FAT2: variants seen among roughly 807,000 people sequenced by gnomAD.
The protein encoded by FAT2 is protocadherin Fat 2.
A neutral mutation model predicts 295.3 loss-of-function variants in FAT2; 150 were observed. That is an observed-to-expected ratio of 0.51 (90% CI 0.44 to 0.58). The LOEUF (loss-of-function observed/expected upper bound fraction) is 0.58. FAT2 is among the 20% of genes least tolerant of loss of function. FAT2 has a pLI of 0.00. For synonymous variants in FAT2, 2,026 were observed against 2,150.3 expected (o/e 0.94, Z 1.60); for missense variants, 4,868 against 5,442.7 (o/e 0.89, Z 3.32).
intron 1 of FAT2, among the ~76,000 whole-genome samples, chr5:151,570,138 AG>A (rs1758462701): frequency 6.6e-6 from 1 of 152,258 alleles, no homozygotes; most frequent in Non-Finnish European, 1.5e-5. Context: ...GGTTCATAAA[AG>A]GAAGGGAGCT....
chr5:151,579,697 CA>C (rs1758870019), intron 1 of FAT2, among the ~76,000 whole-genome samples: 1 of 150,970 alleles, frequency 6.6e-6, no homozygotes, highest in African/African-American at 2.4e-5. Context: ...TAAATATATA[CA>C]AATTTTGTCA....
At chr5:151,534,370 G>T in intron 13 of FAT2, 39 bp downstream of exon 13, 1 of 1,512,354 alleles carries the variant, frequency 6.6e-7, no homozygotes, top group East Asian at 2.4e-5. Context: ...GGTGACCCAG[G>T]AGATCATTGG....
rs5872209 is a variant in FAT2 at position 151,522,227 on chromosome 5, G to GA, written c.10507-142dup. ...CTGGCTCAGCGCATTGTTGCATTTA[G>GA]AAAAAAAAAACCTAACTCCAAAAGC... On this transcript the variant is annotated intron_variant, in intron 18 of 23. Transcript: ENST00000261800. 0.42 allele frequency: 215,818 copies of GA among 519,518 alleles called. 28,255 individuals carry two copies. Among genetic ancestry groups the GA allele is most frequent in the East Asian group, 0.59 (18,459 of 31,204 alleles). The allele number at this position is 519,518 out of a possible 1,614,324, so 32.2% of individuals were successfully genotyped here.
chr5:151,552,424 CT>C (rs1393130975), intron 6 of FAT2, among the ~76,000 whole-genome samples: 1 of 152,170 alleles, frequency 6.6e-6, no homozygotes, highest in Non-Finnish European at 1.5e-5. Flanking sequence ...GGCATATATC[CT>C]ATCCTACTCT....
chr5:151,586,467 T>G (rs1243280617), intron 1 of FAT2, among the ~76,000 whole-genome samples: 1 of 152,214 alleles, frequency 6.6e-6, no homozygotes, highest in Non-Finnish European at 1.5e-5. Context: ...CATCGCCCCT[T>G]TCAGGAAGAG....
chr5:151,553,444 A>C, intron 5 of FAT2, 57 bp from the exon 6 acceptor site: 2 of 1,509,586 alleles, frequency 1.3e-6, no homozygotes, highest in Admixed American at 3.6e-5. Context: ...GGAAGACCCA[A>C]GCAGCCAGGA....
At chr5:151,569,894 G>A (rs1375736267) in intron 1 of FAT2, among the ~76,000 whole-genome samples, 5 of 152,240 alleles carry the variant, frequency 3.3e-5, no homozygotes, top group Non-Finnish European at 5.9e-5. Flanking sequence ...GCATCAGGCT[G>A]CCTGGCTGTC....
chr5:151,505,634 C>CA lies in FAT2; in HGVS notation c.12980dup (p.Pro4328AlafsTer5), dbSNP rs1760778639. 1 of 1,614,058 alleles carries CA rather than the reference C, an allele frequency of 6.2e-7. No individual in the cohort carries two copies. The highest frequency in any genetic ancestry group is 8.5e-7 in the Non-Finnish European group (1 of 1,180,034). On this transcript the variant is annotated frameshift_variant, in exon 24 of 24. Transcript: ENST00000261800. LOFTEE classifies it high-confidence loss of function. ...TGTCAGAGCCCTCATAGTTGGGGGG[C>CA]ACCCGGGGCTGGCCCTGGCCTGCAA...
rs370519297 is a variant in FAT2, at chr5:151,543,674, G to A, written c.7453C>T (p.Leu2485Phe). ...NKYSPEFQQHLYEAELAENAM... is the reference protein window; with the variant it reads ...NKYSPEFQQHFYEAELAENAM... The stretch of plus-strand genomic sequence containing the variant: ...TTCTCTGCTAATTCTGCCTCATAAA[G>A]GTGCTGCTGGAACTCTGGGCTGTAC... Residue 2485 changes from leucine (L) to phenylalanine (F), a missense_variant, in exon 10 of 24, where the codon CTT becomes TTT. Leu to Phe is a conservative substitution (Grantham distance 22). This residue lies in a region of FAT2 where 3,297 missense variants were observed against 3,669.4 expected (regional missense o/e 0.90). Transcript: ENST00000261800. The A allele has an allele frequency of 5.6e-6, 9 of 1,614,056 alleles. No homozygotes were observed. Among genetic ancestry groups the A allele is most frequent in the Middle Eastern group, 1.6e-4 (1 of 6,082 alleles).
intron 7 of FAT2, 79 bp from the exon 8 acceptor site, chr5:151,550,950 TCACC>T: frequency 7.4e-7 from 1 of 1,349,876 alleles, no homozygotes; most frequent in Non-Finnish European, 1.0e-6. Context: ...CCTCCCTGTA[TCACC>T]CAGGCCTAGC....
upstream of FAT2, among the ~76,000 whole-genome samples, chr5:151,594,272 G>A (rs1759508408): frequency 6.6e-6 from 1 of 152,194 alleles, no homozygotes; most frequent in South Asian, 2.1e-4. Flanking sequence ...ACCCCTGTGT[G>A]ACCCTGGCCT....
chr5:151,549,257 C>A (rs373165992), intron 9 of FAT2, 38 bp downstream of exon 9: 3 of 1,593,518 alleles, frequency 1.9e-6, no homozygotes, highest in Non-Finnish European at 2.6e-6. Context: ...TCTAAAGCAT[C>A]TTGACCCATC....
Position 151,589,694 on chromosome 5 carries a change from A to T in FAT2, c.-21+1471T>A, listed in dbSNP as rs185129662. On this transcript the variant is annotated intron_variant, in intron 1 of 23. Transcript: ENST00000261800. ...AAAAATTGCTTGAGCCCAAGAGTTC[A>T]AGACCAACCTGAGCAACATAGTGAG... Among the ~76,000 whole-genome samples the T allele has an allele frequency of 3.3e-5, 5 of 152,272 alleles. No homozygotes were observed. In the East Asian group the frequency reaches 9.6e-4, roughly 29 times the overall value.
At chr5:151,565,647 A>AGCG in intron 2 of FAT2, 26 bp downstream of exon 2, 8 of 1,461,016 alleles carry the variant, frequency 5.5e-6, no homozygotes, top group South Asian at 2.6e-5. Context: ...TGGCCCTGGC[A>AGCG]CCCCACCCTA....
chr5:151,505,601 C>T lies in FAT2; in HGVS notation c.13014G>A (p.Glu4338=). 3 of 1,614,210 alleles carry T rather than the reference C, an allele frequency of 1.9e-6. No homozygotes were observed. Among genetic ancestry groups the T allele is most frequent in the Non-Finnish European group, 2.5e-6 (3 of 1,180,042 alleles). Residue 4338 remains glutamate, a synonymous_variant, in exon 24 of 24, where the codon GAG becomes GAA. Coordinates refer to ENST00000261800, the MANE Select transcript of FAT2 (RefSeq NM_001447.3). ...PPNYEGSDMV[E]SDYGSCEEVM... ...CCTCCTCACAGCTGCCATAATCACT[C>T]TCCACCATGTCAGAGCCCTCATAGT... is the stretch of plus-strand genomic sequence containing the variant.
chr5:151,525,735 T>C (rs766240867), intron 18 of FAT2, 33 bp downstream of exon 18: 2 of 1,612,504 alleles, frequency 1.2e-6, no homozygotes, highest in Non-Finnish European at 1.7e-6. Context: ...ACTGTCCCCA[T>C]GGTCACCACC....
At chr5:151,554,734 T>TGCCACCC in intron 4 of FAT2, 61 bp from the exon 5 acceptor site, 1 of 1,296,940 alleles carries the variant, frequency 7.7e-7, no homozygotes, top group African/African-American at 1.5e-5. Flanking sequence ...GACTATGCTT[T>TGCCACCC]AACAACCTGG....
chr5:151,548,855 GAAACCCATAAAATAGAT>G (rs1290731293), intron 9 of FAT2, among the ~76,000 whole-genome samples: 47 of 152,228 alleles, frequency 3.1e-4, no homozygotes, highest in African/African-American at 1.1e-3. Flanking sequence ...TTGAGATGAA[GAAACCCATAAAATAGAT>G]AAACCCATAA....
In FAT2 at chr5:151,521,558, C is replaced by T. The variant is rs1470120384; in HGVS notation, c.11035G>A (p.Gly3679Ser). 2.5e-6 allele frequency: 4 copies of T among 1,614,218 alleles called. No homozygotes were observed. Among genetic ancestry groups the T allele is most frequent in the Non-Finnish European group, 3.4e-6 (4 of 1,180,036 alleles). ...ASLQPAEAVA[G>S]VDVLLVFEGH... ...TCAAAGACCAGGAGCACATCCACAC[C>T]AGCCACGGCCTCTGCAGGCTGGAGG... The change falls in exon 19 of 24, where the codon GGT becomes AGT. Residue 3679 changes from glycine (G) to serine (S), a missense_variant. This residue lies in a region of FAT2 where 1,046 missense variants were observed against 1,210.1 expected (regional missense o/e 0.86). Transcript: ENST00000261800.
Sources: gnomAD v4.1 joint callset for allele counts (sites outside exome capture counted in the v4.1 genomes callset) on GRCh38, gnomAD v4.1.1 for gene constraint, gnomAD v4.1.1 regional missense constraint, MANE v1.5 for transcripts, NCBI Gene and HGNC (gene_info 2026-07-23, HGNC 2026-07-21) for gene names.